ANKS1B: variants seen among roughly 807,000 people sequenced by gnomAD.
The protein encoded by ANKS1B is ankyrin repeat and sterile alpha motif domain-containing protein 1B.
ANKS1B carries 36 observed loss-of-function variants against 148.3 expected under a neutral mutation model. That is an observed-to-expected ratio of 0.24 (90% CI 0.19 to 0.32). The LOEUF is 0.32. Ranked by LOEUF, ANKS1B falls within the 10% of genes least tolerant of loss-of-function variation. The pLI is 1.00. For missense variants in ANKS1B, 1,157 were observed against 1,542.6 expected (o/e 0.75, Z 4.19); for synonymous variants, 542 against 560.8 (o/e 0.97, Z 0.47).
chr12:99,290,833 A>G (rs1371713431), intron 12 of ANKS1B, among the ~76,000 whole-genome samples: 4 of 152,094 alleles, frequency 2.6e-5, no homozygotes, highest in South Asian at 2.1e-4. Context: ...ATGGGGTAAA[A>G]CTGAAAACTC....
chr12:99,928,136 AAT>A (rs1372000635), intron 1 of ANKS1B, among the ~76,000 whole-genome samples: 2 of 152,122 alleles, frequency 1.3e-5, no homozygotes, highest in South Asian at 2.1e-4. Context: ...CCTCCTCAAT[AAT>A]ATAAATGTTA....
chr12:99,528,219 C>T (rs1484163222), intron 9 of ANKS1B, among the ~76,000 whole-genome samples: 1 of 151,822 alleles, frequency 6.6e-6, no homozygotes, highest in Non-Finnish European at 1.5e-5. Context: ...TACAAAAAAT[C>T]AACTCAAGAA....
intron 22 of ANKS1B, among the ~76,000 whole-genome samples, chr12:98,783,063 G>A (rs1306965881): frequency 7.3e-5 from 11 of 151,112 alleles, no homozygotes; most frequent in Admixed American, 5.9e-4. Context: ...TCTGCAAAGC[G>A]TCACAGTGGA....
At chr12:99,698,471 T>C (rs558311790) in intron 8 of ANKS1B, among the ~76,000 whole-genome samples, 65 of 152,182 alleles carry the variant, frequency 4.3e-4, no homozygotes, top group African/African-American at 1.5e-3. Flanking sequence ...ACTGACACTA[T>C]TGGGAACTGG....
At chr12:99,773,608 G>A (rs2063391685) in intron 7 of ANKS1B, among the ~76,000 whole-genome samples, 1 of 152,024 alleles carries the variant, frequency 6.6e-6, no homozygotes, top group Non-Finnish European at 1.5e-5. Flanking sequence ...TGCATCATCT[G>A]TCAAACATGA....
chr12:98,917,635 G>A (rs1302595879), intron 17 of ANKS1B, among the ~76,000 whole-genome samples: 9 of 152,186 alleles, frequency 5.9e-5, no homozygotes, highest in East Asian at 1.9e-4. Context: ...GTGAGTATTC[G>A]GGATGAAAAA....
At chr12:99,491,284 G>A (rs541356778) in intron 10 of ANKS1B, among the ~76,000 whole-genome samples, 17 of 150,440 alleles carry the variant, frequency 1.1e-4, no homozygotes, top group African/African-American at 1.7e-4. Context: ...CAGCCTGGGC[G>A]ACAGAGCAAG....
intron 12 of ANKS1B, among the ~76,000 whole-genome samples, chr12:99,334,578 G>A (rs1407638290): frequency 1.3e-5 from 2 of 151,962 alleles, no homozygotes; most frequent in Non-Finnish European, 2.9e-5. Flanking sequence ...AGTTCCAAAT[G>A]CACACCACCA....
intron 14 of ANKS1B, among the ~76,000 whole-genome samples, chr12:99,216,228 C>T (rs1440021405): frequency 1.3e-5 from 2 of 152,170 alleles, no homozygotes; most frequent in African/African-American, 2.4e-5. Flanking sequence ...GTCCATTAAA[C>T]CTCTTTTTCT....
chr12:99,066,279 C>T (rs2044293804), intron 16 of ANKS1B, among the ~76,000 whole-genome samples: 1 of 152,018 alleles, frequency 6.6e-6, no homozygotes, highest in South Asian at 2.1e-4. Flanking sequence ...TGAGATTGTG[C>T]CACTGCACTC....
chr12:99,837,834 C>G (rs1377866053), intron 1 of ANKS1B, among the ~76,000 whole-genome samples: 4 of 152,098 alleles, frequency 2.6e-5, no homozygotes, highest in Non-Finnish European at 5.9e-5. Context: ...TACAGGGATA[C>G]ATTGCATAGT....
At chr12:99,531,937 C>T (rs2096997692) in intron 9 of ANKS1B, among the ~76,000 whole-genome samples, 2 of 152,108 alleles carry the variant, frequency 1.3e-5, no homozygotes, top group Admixed American at 6.6e-5. Context: ...TTTTAATTTG[C>T]ATTTCTCTGA....
intron 1 of ANKS1B, among the ~76,000 whole-genome samples, chr12:99,943,588 T>C (rs1429433685): frequency 6.6e-6 from 1 of 152,042 alleles, no homozygotes; most frequent in African/African-American, 2.4e-5. Flanking sequence ...AAGAGAAAAC[T>C]TGTGTAAGAG....
intron 16 of ANKS1B, among the ~76,000 whole-genome samples, chr12:99,081,934 G>C (rs2049927098): frequency 6.6e-6 from 1 of 152,122 alleles, no homozygotes; most frequent in South Asian, 2.1e-4. Flanking sequence ...TAAGCATCAT[G>C]GGAAATTCAA....
intron 12 of ANKS1B, among the ~76,000 whole-genome samples, chr12:99,363,154 C>T (rs895261826): frequency 1.3e-5 from 2 of 151,768 alleles, no homozygotes; most frequent in African/African-American, 4.8e-5. Flanking sequence ...TAAAAAAATG[C>T]TTAGAAACTA....
At chr12:99,617,807 T>TG (rs2097988246) in intron 9 of ANKS1B, among the ~76,000 whole-genome samples, 1 of 147,770 alleles carries the variant, frequency 6.8e-6, no homozygotes, top group Non-Finnish European at 1.5e-5. Flanking sequence ...AAGTAAGATT[T>TG]AAAAAAAAAA....
In ANKS1B at chr12:99,517,204, T is replaced by C. The variant is rs117288219; in HGVS notation, c.1273-12563A>G. On this transcript the variant is annotated intron_variant, in intron 9 of 26. Coordinates refer to ENST00000683438, the MANE Select transcript of ANKS1B (RefSeq NM_001352186.2). ...TTTAATTTCATTCATCAGTATTTTA[T>C]AGTTTTCATTGTAGAGATCTTTCAC... is the stretch of plus-strand genomic sequence containing the variant. 5.1e-3 allele frequency among the ~76,000 whole-genome samples: 773 copies of C among 152,268 alleles called. 31 individuals are homozygous for C. In the South Asian group the frequency reaches 0.07, roughly 14 times the overall value.
chr12:99,696,638 A>G (rs1312099534), intron 8 of ANKS1B, among the ~76,000 whole-genome samples: 1 of 152,240 alleles, frequency 6.6e-6, no homozygotes, highest in Non-Finnish European at 1.5e-5. Context: ...GATAACAGGA[A>G]AAAAATCTAG....
intron 12 of ANKS1B, among the ~76,000 whole-genome samples, chr12:99,276,914 T>C (rs531241225): frequency 5.9e-5 from 9 of 152,340 alleles, no homozygotes; most frequent in Admixed American, 3.3e-4. Context: ...GGATGTTACA[T>C]GATCTCTGTA....
Sources: gnomAD v4.1 joint callset for allele counts (sites outside exome capture counted in the v4.1 genomes callset) on GRCh38, gnomAD v4.1.1 for gene constraint, MANE v1.5 for transcripts, NCBI Gene and HGNC (gene_info 2026-07-23, HGNC 2026-07-21) for gene names.